Variants in ZUP1 observed in about 807,000 individuals in gnomAD.
The protein encoded by ZUP1 is zinc finger-containing ubiquitin peptidase 1.
A neutral mutation model predicts 68.1 loss-of-function variants in ZUP1; 55 were observed. The observed-to-expected ratio is 0.81, with a 90% CI of 0.65 to 1.01. The LOEUF is 1.01. ZUP1 is among the 50% of genes least tolerant of loss of function. The pLI is 0.00. For missense variants in ZUP1, 684 were observed against 674.9 expected, an observed-to-expected ratio of 1.01 and a Z score of -0.15; for synonymous variants, 223 against 221.5, an observed-to-expected ratio of 1.01 and a Z score of -0.06.
At chr6:116,652,502 T>A (rs1776540238) in intron 5 of ZUP1, among the ~76,000 whole-genome samples, 1 of 152,156 alleles carries the variant, frequency 6.6e-6, no homozygotes, top group Non-Finnish European at 1.5e-5. Flanking sequence ...CTACTGGAGA[T>A]CACTCAGTCT....
intron 2 of ZUP1, 146 bp downstream of exon 2, chr6:116,666,488 C>G (rs1156800395): frequency 5.2e-6 from 3 of 572,646 alleles, no homozygotes; most frequent in Non-Finnish European, 8.5e-6. Context: ...TTTTATATTT[C>G]AGTAACAGCA....
At chr6:116,655,456 G>A (rs1776633815) in intron 5 of ZUP1, among the ~76,000 whole-genome samples, 1 of 152,056 alleles carries the variant, frequency 6.6e-6, no homozygotes, top group Non-Finnish European at 1.5e-5. Context: ...CTTGTGGGGA[G>A]GGCAAATTAG....
chr6:116,639,482 T>C (rs1209202830), intron 9 of ZUP1, among the ~76,000 whole-genome samples: 3 of 152,114 alleles, frequency 2.0e-5, no homozygotes, highest in Non-Finnish European at 4.4e-5. Context: ...GGTACTCCTC[T>C]GAGACAAAAC....
Position 116,647,587 on chromosome 6 carries a change from T to G in ZUP1, c.1340A>C (p.Lys447Thr), listed in dbSNP as rs1776352803. 1 of 1,575,980 alleles carries G rather than the reference T, an allele frequency of 6.3e-7. No homozygotes were observed. Among genetic ancestry groups the G allele is most frequent in the South Asian group, 1.2e-5 (1 of 85,442 alleles). Reference sequence around the variant, plus strand: ...GTGTGTACCCAAAGGACCAGTTGATTTGTGAAAATCAACAATATGACACCT... The same window carrying G: ...GTGTGTACCCAAAGGACCAGTTGATGTGTGAAAATCAACAATATGACACCT... ...RVKCHIVDFH[K>T]STGPLGTHPR... Residue 447 changes from lysine (K) to threonine (T), a missense_variant, in exon 8 of 10, where the codon AAA becomes ACA. Transcript: ENST00000368576.
intron 9 of ZUP1, among the ~76,000 whole-genome samples, chr6:116,636,776 A>G (rs1440348709): frequency 6.6e-6 from 1 of 152,220 alleles, no homozygotes; most frequent in African/African-American, 2.4e-5. Context: ...ATTTTGGGAT[A>G]CCATAAACTA....
chr6:116,658,703 T>G, intron 4 of ZUP1, 100 bp downstream of exon 4: 1 of 1,181,614 alleles, frequency 8.5e-7, no homozygotes, highest in Non-Finnish European at 1.1e-6. Context: ...GTATAAATTT[T>G]TTTTGAATAA....
chr6:116,640,670 A>G (rs549948193), intron 9 of ZUP1, among the ~76,000 whole-genome samples: 9,410 of 152,252 alleles, frequency 0.062, 457 homozygotes, highest in Middle Eastern at 0.095. Context: ...GCCTGCCCTA[A>G]AAGAGATCCT....
chr6:116,645,670 G>A, intron 9 of ZUP1, 44 bp downstream of exon 9: 2 of 1,375,748 alleles, frequency 1.5e-6, no homozygotes, highest in Non-Finnish European at 2.0e-6. Flanking sequence ...AAACTTTTAA[G>A]TTCATCTCAT....
At chr6:116,660,904 C>CTTTT in intron 2 of ZUP1, 58 bp from the exon 3 acceptor site, 4 of 815,178 alleles carry the variant, frequency 4.9e-6, no homozygotes, top group South Asian at 1.9e-5. Context: ...TTTTTCTTTG[C>CTTTT]TTTTTTTTTT....
chr6:116,650,327 C>CA, intron 7 of ZUP1, among the ~76,000 whole-genome samples: 1 of 142,988 alleles, frequency 7.0e-6, no homozygotes, highest in East Asian at 2.1e-4. Context: ...GAGGCTGAGG[C>CA]AGGGGAATCG....
At chr6:116,658,720 G>C in intron 4 of ZUP1, 83 bp downstream of exon 4, 1 of 1,346,536 alleles carries the variant, frequency 7.4e-7, no homozygotes, top group African/African-American at 1.5e-5. Flanking sequence ...ATAATAACAA[G>C]GACAAAAATA....
At chr6:116,639,687 T>C (rs1261310251) in intron 9 of ZUP1, among the ~76,000 whole-genome samples, 4 of 152,124 alleles carry the variant, frequency 2.6e-5, no homozygotes, top group African/African-American at 9.7e-5. Context: ...AACCCATCTG[T>C]ACATCACCAT....
intron 2 of ZUP1, among the ~76,000 whole-genome samples, chr6:116,664,287 TG>T (rs1776931589): frequency 6.6e-6 from 1 of 151,994 alleles, no homozygotes; most frequent in Non-Finnish European, 1.5e-5. Context: ...AAAAATTAAC[TG>T]GGCCTGGTGG....
intron 2 of ZUP1, 150 bp from the exon 3 acceptor site, chr6:116,660,996 A>C: frequency 1.9e-6 from 1 of 537,104 alleles, no homozygotes; most frequent in Non-Finnish European, 3.2e-6. Context: ...CTCCCATCTC[A>C]GCCTCCCAAG....
At chr6:116,654,548 TAATA>T (rs1447881330) in intron 5 of ZUP1, among the ~76,000 whole-genome samples, 1 of 151,866 alleles carries the variant, frequency 6.6e-6, no homozygotes, top group Non-Finnish European at 1.5e-5. Flanking sequence ...AAGACACAAA[TAATA>T]AATAGAAAGA....
chr6:116,648,260 T>C (rs1206215100), intron 7 of ZUP1, among the ~76,000 whole-genome samples: 1 of 152,228 alleles, frequency 6.6e-6, no homozygotes, highest in Non-Finnish European at 1.5e-5. Context: ...ACACTGTTTA[T>C]ACTACTCAAC....
chr6:116,651,711 T>G lies in ZUP1; in HGVS notation c.1177A>C (p.Ile393Leu). 1 of 1,613,586 alleles carries G rather than the reference T, an allele frequency of 6.2e-7. No individual in the cohort carries two copies. Among genetic ancestry groups the G allele is most frequent in the South Asian group, 1.1e-5 (1 of 91,042 alleles). The change falls in exon 7 of 10, where the codon ATT becomes CTT. Residue 393 changes from isoleucine (I) to leucine (L), a missense_variant. Transcript: ENST00000368576. ...KGMLIPCIPK[I>L]QSMIEDAWKE... Reference sequence around the variant, plus strand: ...CATGCATCTTCAATCATAGATTGAATTTTTGGAATGCAAGGAATCAACATA... The same window carrying G: ...CATGCATCTTCAATCATAGATTGAAGTTTTGGAATGCAAGGAATCAACATA...
intron 9 of ZUP1, among the ~76,000 whole-genome samples, chr6:116,643,493 T>C (rs1406445758): frequency 5.9e-5 from 9 of 152,158 alleles, no homozygotes; most frequent in Admixed American, 1.3e-4. Flanking sequence ...AACAGAGATA[T>C]AGATCAATGG....
rs1265780362 is a variant in ZUP1 at position 116,638,877 on chromosome 6, G to A, written c.1690-2998C>T. Among the ~76,000 whole-genome samples the A allele has an allele frequency of 7.2e-5, 11 of 152,208 alleles. 1 individual carries two copies. The highest frequency in any genetic ancestry group is 1.5e-4 in the Non-Finnish European group (10 of 68,026). ...GCGCACCATGCGCCAGATGAAGCAGGGCGAGGCATTGCCTCACTCGGGAAG... is the reference window on the plus strand; with the variant it reads ...GCGCACCATGCGCCAGATGAAGCAGAGCGAGGCATTGCCTCACTCGGGAAG... On this transcript the variant is annotated intron_variant, in intron 9 of 9. Transcript: ENST00000368576.
Sources: allele counts gnomAD v4.1 joint callset (sites outside exome capture counted in the v4.1 genomes callset), GRCh38; gene constraint gnomAD v4.1.1; transcripts MANE v1.5; gene names NCBI Gene and HGNC (gene_info 2026-07-23, HGNC 2026-07-21).